The following SHCBP1L variants were observed in gnomAD, a reference collection of about 807,000 sequenced individuals.
SHCBP1L encodes the protein SHC binding and spindle associated 1 like, also known as testicular spindle-associated protein SHCBP1L.
In SHCBP1L, 67 loss-of-function variants were observed where a neutral mutation model predicts 62.5. That is an observed-to-expected ratio of 1.07 (90% confidence interval 0.88 to 1.31). The LOEUF is 1.31. Among genes scored for constraint, SHCBP1L ranks in the 40% most tolerant of loss-of-function variants. The pLI is 0.00. For missense variants in SHCBP1L, 823 were observed against 809.8 expected (o/e 1.02, Z -0.20); for synonymous variants, 284 against 289.4 (o/e 0.98, Z 0.19).
At chr1:182,935,090 T>A (rs568983242) in intron 5 of SHCBP1L, among the ~76,000 whole-genome samples, 1 of 152,284 alleles carries the variant, frequency 6.6e-6, no homozygotes, top group African/African-American at 2.4e-5. Context: ...CCATACTGTC[T>A]TGATTACTAC....
chr1:182,905,883 T>G (rs1649997038), intron 6 of SHCBP1L, among the ~76,000 whole-genome samples: 1 of 152,212 alleles, frequency 6.6e-6, no homozygotes, highest in Admixed American at 6.5e-5. Context: ...CTATGTGCCA[T>G]ATTTTGAACT....
intron 6 of SHCBP1L, among the ~76,000 whole-genome samples, chr1:182,927,671 CAAAAA>C (rs1049517840): frequency 1.4e-5 from 1 of 72,816 alleles, no homozygotes. Context: ...GACTCCGTCT[CAAAAA>C]AAAAAAAAAA....
At chr1:182,944,987 G>A (rs1465498855) in intron 2 of SHCBP1L, among the ~76,000 whole-genome samples, 1 of 125,126 alleles carries the variant, frequency 8.0e-6, no homozygotes, top group Non-Finnish European at 1.6e-5. Flanking sequence ...TTGAGACGGA[G>A]CCTTTCTTTG....
chr1:182,900,824 G>A (rs2101915648), intron 9 of SHCBP1L, among the ~76,000 whole-genome samples: 1 of 152,170 alleles, frequency 6.6e-6, no homozygotes, highest in Non-Finnish European at 1.5e-5. Context: ...CTTGAGCCCA[G>A]GAGTTCGAGA....
chr1:182,915,630 G>C (rs990214705), intron 6 of SHCBP1L, among the ~76,000 whole-genome samples: 2 of 151,860 alleles, frequency 1.3e-5, no homozygotes, highest in African/African-American at 4.8e-5. Flanking sequence ...CAACACAAAA[G>C]GATATGCATT....
chr1:182,919,904 C>T (rs1005438126), intron 6 of SHCBP1L, among the ~76,000 whole-genome samples: 1 of 152,162 alleles, frequency 6.6e-6, no homozygotes, highest in Non-Finnish European at 1.5e-5. Context: ...CCCCCTACCA[C>T]ATCATCCCCC....
At chr1:182,950,058 C>G (rs1361712525) in intron 2 of SHCBP1L, among the ~76,000 whole-genome samples, 1 of 152,154 alleles carries the variant, frequency 6.6e-6, no homozygotes, top group Non-Finnish European at 1.5e-5. Flanking sequence ...GTTGGGACTA[C>G]AGGCGTGAGC....
At chr1:182,908,261 C>A (rs1234458133) in intron 6 of SHCBP1L, among the ~76,000 whole-genome samples, 1 of 152,094 alleles carries the variant, frequency 6.6e-6, no homozygotes, top group Non-Finnish European at 1.5e-5. Flanking sequence ...AACAGACATC[C>A]CCTCCCTTCT....
intron 5 of SHCBP1L, among the ~76,000 whole-genome samples, chr1:182,929,986 G>A (rs1650906052): frequency 6.6e-6 from 1 of 151,984 alleles, no homozygotes; most frequent in African/African-American, 2.4e-5. Flanking sequence ...ATAGTACCTG[G>A]AAATCTGCAT....
At position 182,953,028 on chromosome 1, in the gene SHCBP1L, C is replaced by A. The variant is rs767923324; in HGVS notation, c.106G>T (p.Ala36Ser). The change falls in exon 1 of 10, where the codon GCC becomes TCC. Residue 36 changes from alanine (A) to serine (S), a missense_variant. Ala to Ser is a moderately conservative substitution (Grantham distance 99). Coordinates refer to ENST00000367547, the MANE Select transcript of SHCBP1L (RefSeq NM_030933.4). ...GCGGTGCCCTTCAGGGTGGTCGCGG[C>A]CGCCGTGTCCCCGGAGACAGCGGAG... ...SASAVSGDTA[A>S]ATTLKGTAIP... 1.3e-5 allele frequency: 20 copies of A among 1,542,528 alleles called. No individual in the cohort carries two copies. In the South Asian group the frequency reaches 2.1e-4, roughly 16 times the overall value.
intron 6 of SHCBP1L, among the ~76,000 whole-genome samples, chr1:182,927,607 G>A (rs1215091352): frequency 6.8e-6 from 1 of 147,450 alleles, no homozygotes; most frequent in Non-Finnish European, 1.5e-5. Context: ...GGGAGGCGGA[G>A]CTTGCAGTGA....
chr1:182,943,853 C>T, intron 2 of SHCBP1L, among the ~76,000 whole-genome samples: 1 of 151,984 alleles, frequency 6.6e-6, no homozygotes, highest in South Asian at 2.1e-4. Flanking sequence ...GGTGCGGTGG[C>T]TCACGCCTGT....
chr1:182,915,161 C>CAAAAAAAAAAAAAA (rs371432299), intron 6 of SHCBP1L, among the ~76,000 whole-genome samples: 3 of 31,908 alleles, frequency 9.4e-5, no homozygotes, highest in Non-Finnish European at 2.1e-4. Context: ...GACTCTGTCT[C>CAAAAAAAAAAAAAA]AAAAAAAAAA....
chr1:182,944,015 G>A (rs568945457), intron 2 of SHCBP1L, among the ~76,000 whole-genome samples: 1 of 151,426 alleles, frequency 6.6e-6, no homozygotes, highest in Non-Finnish European at 1.5e-5. Flanking sequence ...CAGCTACTCA[G>A]GAGGCTGAGG....
chr1:182,922,552 TA>T lies in SHCBP1L; in HGVS notation c.1182+7094del, dbSNP rs201825711. ...CTGGGTGACAGAGCGAGACTCCATC[TA>T]AAAAAAAAAAAAAAGAAAGAAATCA... On this transcript the variant is annotated intron_variant, in intron 6 of 9. Coordinates refer to ENST00000367547, the MANE Select transcript of SHCBP1L (RefSeq NM_030933.4). Among the ~76,000 whole-genome samples the T allele has an allele frequency of 6.0e-3, 791 of 132,234 alleles. 1 individual carries two copies. The highest frequency in any genetic ancestry group is 4.9e-3 in the Admixed American group (64 of 13,012). 86.8% of individuals were successfully genotyped at this position (132,234 alleles called of 152,430 possible).
chr1:182,918,276 A>G (rs867257285), intron 6 of SHCBP1L, among the ~76,000 whole-genome samples: 1 of 150,290 alleles, frequency 6.7e-6, no homozygotes, highest in Non-Finnish European at 1.5e-5. Flanking sequence ...GGAATGCACC[A>G]AAAACATATG....
chr1:182,917,529 TCA>T (rs1252166064), intron 6 of SHCBP1L, among the ~76,000 whole-genome samples: 1 of 152,032 alleles, frequency 6.6e-6, no homozygotes, highest in Non-Finnish European at 1.5e-5. Flanking sequence ...CAGGCGTGAG[TCA>T]CTGCACCCGG....
At chr1:182,918,069 T>C (rs2101930237) in intron 6 of SHCBP1L, among the ~76,000 whole-genome samples, 1 of 149,260 alleles carries the variant, frequency 6.7e-6, no homozygotes, top group East Asian at 2.0e-4. Flanking sequence ...TCTCTCTCTC[T>C]ATATATATAT....
At chr1:182,947,296 A>C (rs767010199) in intron 2 of SHCBP1L, among the ~76,000 whole-genome samples, 1 of 151,836 alleles carries the variant, frequency 6.6e-6, no homozygotes, top group Non-Finnish European at 1.5e-5. Flanking sequence ...CTTTTTCTGC[A>C]TTTCTACACT....
Sources: gnomAD v4.1 joint callset for allele counts (sites outside exome capture counted in the v4.1 genomes callset) on GRCh38, gnomAD v4.1.1 for gene constraint, MANE v1.5 for transcripts, NCBI Gene and HGNC (gene_info 2026-07-23, HGNC 2026-07-21) for gene names.